Variants in CPEB3 observed in about 807,000 individuals in gnomAD.
The protein encoded by CPEB3 is cytoplasmic polyadenylation element-binding protein 3.
A neutral mutation model predicts 67.2 loss-of-function variants in CPEB3; 20 were observed. That is an observed-to-expected ratio of 0.30 (90% CI 0.21 to 0.43). The LOEUF is 0.43. Ranked by LOEUF, CPEB3 falls within the 20% of genes least tolerant of loss-of-function variation. The pLI is 1.00. For missense variants in CPEB3, 746 were observed against 968.6 expected (o/e 0.77, Z 3.05); for synonymous variants, 376 against 393.1 (o/e 0.96, Z 0.51).
At chr10:92,265,973 T>C (rs944253378) in intron 1 of CPEB3, among the ~76,000 whole-genome samples, 1 of 151,810 alleles carries the variant, frequency 6.6e-6, no homozygotes, top group Non-Finnish European at 1.5e-5. Context: ...AATGGGTTAA[T>C]GAATTAATGG....
chr10:92,118,287 A>G (rs936028086), intron 6 of CPEB3, among the ~76,000 whole-genome samples: 1 of 152,058 alleles, frequency 6.6e-6, no homozygotes, highest in African/African-American at 2.4e-5. Context: ...ATGCACCACC[A>G]CACCTGGCTA....
At chr10:92,264,744 G>A (rs998953232) in intron 1 of CPEB3, among the ~76,000 whole-genome samples, 17 of 151,672 alleles carry the variant, frequency 1.1e-4, no homozygotes, top group Middle Eastern at 3.4e-3. Flanking sequence ...TCATTTGACT[G>A]AAGGAATATA....
rs1319440652 is a variant in CPEB3, at chr10:92,203,528, A to ATATT, written c.1006-10893_1006-10892insAATA. On this transcript the variant is annotated intron_variant, in intron 2 of 9. Transcript: ENST00000265997. ...TGTGTGTATATATATATATATATATATTTTTTTTTTAGAGGTGTAGCTGGG... is the reference window on the plus strand; with the variant it reads ...TGTGTGTATATATATATATATATATATATTTTTTTTTTTTAGAGGTGTAGCTGGG... Among the ~76,000 whole-genome samples, 502 of 93,872 alleles carry ATATT rather than the reference A, an allele frequency of 5.3e-3. 2 individuals carry two copies. The highest frequency in any genetic ancestry group is 8.4e-3 in the Non-Finnish European group (355 of 42,252). The allele number at this position is 93,872 out of a possible 152,430, so 61.6% of individuals were successfully genotyped here. A position where few individuals can be genotyped will look rare whatever the true frequency, so the allele number is the denominator to read the frequency against.
chr10:92,180,869 G>C, intron 4 of CPEB3, 94 bp downstream of exon 4: 2 of 766,492 alleles, frequency 2.6e-6, no homozygotes, highest in Non-Finnish European at 4.7e-6. Flanking sequence ...CCTTTCAGCG[G>C]AAGGTTAAAA....
intron 1 of CPEB3, among the ~76,000 whole-genome samples, chr10:92,246,184 A>C (rs1028027911): frequency 6.6e-6 from 1 of 150,508 alleles, no homozygotes; most frequent in African/African-American, 2.5e-5. Flanking sequence ...AAATACAAAA[A>C]TTAGTCGGGC....
At chr10:92,194,548 T>C (rs1849138842) in intron 2 of CPEB3, among the ~76,000 whole-genome samples, 1 of 152,224 alleles carries the variant, frequency 6.6e-6, no homozygotes. Flanking sequence ...TGAAAAGCAC[T>C]GACACGAAGA....
At chr10:92,138,301 C>CT (rs755485215) in intron 6 of CPEB3, 4 of 219,112 alleles carry the variant, frequency 1.8e-5, no homozygotes, top group Non-Finnish European at 1.9e-5. Flanking sequence ...CAAGAGGACT[C>CT]TTTAAGAAAC....
At chr10:92,152,640 T>C (rs1330321610) in intron 4 of CPEB3, among the ~76,000 whole-genome samples, 1 of 152,212 alleles carries the variant, frequency 6.6e-6, no homozygotes, top group African/African-American at 2.4e-5. Context: ...GATGGATATA[T>C]TGGTGTTCAT....
At chr10:92,221,767 G>C (rs1040276479) in intron 2 of CPEB3, among the ~76,000 whole-genome samples, 11 of 152,138 alleles carry the variant, frequency 7.2e-5, no homozygotes, top group African/African-American at 2.7e-4. Flanking sequence ...AGGATAGCTT[G>C]AGCCCAGGAG....
intron 1 of CPEB3, among the ~76,000 whole-genome samples, chr10:92,244,584 C>A (rs1359630672): frequency 6.6e-6 from 1 of 151,532 alleles, no homozygotes; most frequent in East Asian, 2.0e-4. Flanking sequence ...ACTACAGGGG[C>A]ATGCCACCAC....
intron 3 of CPEB3, among the ~76,000 whole-genome samples, chr10:92,191,679 C>T (rs1398869895): frequency 6.6e-6 from 1 of 152,126 alleles, no homozygotes; most frequent in Non-Finnish European, 1.5e-5. Flanking sequence ...ATGGGCATCC[C>T]CATGGCTACC....
intron 6 of CPEB3, among the ~76,000 whole-genome samples, chr10:92,140,020 C>T (rs1315237030): frequency 3.4e-5 from 5 of 148,794 alleles, no homozygotes; most frequent in South Asian, 2.1e-4. Flanking sequence ...TTGCAGAAGC[C>T]GAGATCACAC....
intron 4 of CPEB3, among the ~76,000 whole-genome samples, chr10:92,175,418 G>C (rs948178716): frequency 1.3e-5 from 2 of 151,846 alleles, no homozygotes; most frequent in Non-Finnish European, 2.9e-5. Flanking sequence ...ATGTCTTTGT[G>C]TGGACATACG....
chr10:92,181,171 G>A, intron 3 of CPEB3, 152 bp from the exon 4 acceptor site: 1 of 479,898 alleles, frequency 2.1e-6, no homozygotes, highest in South Asian at 3.0e-5. Flanking sequence ...TAAAAATTAA[G>A]TCATAAAACA....
chr10:92,208,336 T>C (rs1263279064), intron 2 of CPEB3, among the ~76,000 whole-genome samples: 4 of 152,196 alleles, frequency 2.6e-5, no homozygotes, highest in Non-Finnish European at 5.9e-5. Context: ...CATTTTGAAC[T>C]TCTGCATATT....
chr10:92,163,546 G>T (rs764011016), intron 4 of CPEB3, among the ~76,000 whole-genome samples: 1 of 152,094 alleles, frequency 6.6e-6, no homozygotes, highest in Non-Finnish European at 1.5e-5. Context: ...TTCCCTTTCA[G>T]CTTCCCTTGG....
chr10:92,100,745 C>T (rs530153103), intron 7 of CPEB3, among the ~76,000 whole-genome samples: 1 of 152,196 alleles, frequency 6.6e-6, no homozygotes, highest in African/African-American at 2.4e-5. Flanking sequence ...GTGCCCGCCA[C>T]CACGCCCAGC....
Position 92,240,201 on chromosome 10 carries a change from G to A in CPEB3, c.150C>T (p.Asn50=). Residue 50 remains asparagine, a synonymous_variant, in exon 2 of 10, where the codon AAC becomes AAT. Transcript: ENST00000265997. ...CTGGGCTGAGGGCCGGCACTGCGCT[G>A]TTTTCCTCCGGCTTGGGGGTCTCTG... ...LSSETPKPEE[N]SAVPALSPAA... The A allele has an allele frequency of 6.6e-7, 1 of 1,515,796 alleles. No homozygotes were observed. The highest frequency in any genetic ancestry group is 1.3e-5 in the South Asian group (1 of 77,728). 93.9% of individuals were successfully genotyped at this position (1,515,796 alleles called of 1,614,324 possible). A position where few individuals can be genotyped will look rare whatever the true frequency, so the allele number is the denominator to read the frequency against.
rs1841871977 is a variant in CPEB3 at position 92,050,796 on chromosome 10, A to G, written c.*1416T>C. 1 of 152,624 alleles carries G rather than the reference A, an allele frequency of 6.6e-6. No individual in the cohort carries two copies. The allele number at this position is 152,624 out of a possible 1,614,324, so 9.5% of individuals were successfully genotyped here. A position where few individuals can be genotyped will look rare whatever the true frequency, so the allele number is the denominator to read the frequency against. On this transcript the variant is annotated 3_prime_UTR_variant, in exon 10 of 10. Transcript: ENST00000265997. Reference sequence around the variant, plus strand: ...TTTGTCAATCTGACAACTTATCTCTATATCCTGTATATATTCTTAGTGTTT... The same window carrying G: ...TTTGTCAATCTGACAACTTATCTCTGTATCCTGTATATATTCTTAGTGTTT...
Sources: allele counts gnomAD v4.1 joint callset (sites outside exome capture counted in the v4.1 genomes callset), GRCh38; gene constraint gnomAD v4.1.1; transcripts MANE v1.5; gene names NCBI Gene and HGNC (gene_info 2026-07-23, HGNC 2026-07-21).